SPRYD4: variants seen among roughly 807,000 people sequenced by gnomAD.
SPRYD4 encodes SPRY domain containing 4, also known as SPRY domain-containing protein 4.
Under a neutral mutation model 16.6 loss-of-function variants are expected in SPRYD4, and 12 were observed. That is an observed-to-expected ratio of 0.72 (90% CI 0.46 to 1.17). The LOEUF (loss-of-function observed/expected upper bound fraction) is 1.17, where lower values mean the gene tolerates loss of function less well. SPRYD4 is among the 50% of genes most tolerant of loss of function. SPRYD4 has a pLI of 0.00. For synonymous variants in SPRYD4, 98 were observed against 105.4 expected (o/e 0.93, Z 0.43); for missense variants, 260 against 260.2 (o/e 1.00, Z 0.00).
At position 56,479,629 on chromosome 12, in the gene SPRYD4, T is replaced by TA; in HGVS notation, c.*10053dup. 1.1e-6 allele frequency: 1 copy of TA among 908,604 alleles called. No individual in the cohort carries two copies. The highest frequency in any genetic ancestry group is 3.6e-4 in the Middle Eastern group (1 of 2,784). 56.3% of individuals were successfully genotyped at this position (908,604 alleles called of 1,614,324 possible). On this transcript the variant is annotated 3_prime_UTR_variant, in exon 2 of 2. Transcript: ENST00000338146. ...TGTATTTCTATATTGTTTGAACTCT[T>TA]ATGATGAGTATTCATGTATAACTTA...
Position 56,477,643 on chromosome 12 carries a change from G to T in SPRYD4, c.*8066G>T, listed in dbSNP as rs116424949. On this transcript the variant is annotated 3_prime_UTR_variant, in exon 2 of 2. Coordinates refer to ENST00000338146, the MANE Select transcript of SPRYD4 (RefSeq NM_207344.4). Reference sequence around the variant, plus strand: ...CTTAGAGGATAATACCTATCAGAAGGTTAAGGTGGCACTGACCTTGATCAG... The same window carrying T: ...CTTAGAGGATAATACCTATCAGAAGTTTAAGGTGGCACTGACCTTGATCAG... 1.6e-3 allele frequency: 2,549 copies of T among 1,610,952 alleles called. 38 individuals carry two copies. The African/African-American group carries it at 0.031, about 19-fold the overall frequency.
At position 56,469,238 on chromosome 12, in the gene SPRYD4, G is replaced by A; in HGVS notation, c.285G>A (p.Lys95=). The change falls in exon 2 of 2, where the codon AAG becomes AAA. Residue 95 remains lysine (K), a synonymous_variant. Transcript: ENST00000338146. ...GACACTACTGGGAAGTGACAGTGAA[G>A]CGCTCCCAGCAGTTCCGGATAGGAG... ...SGRHYWEVTV[K]RSQQFRIGVA... The A allele has an allele frequency of 6.2e-7, 1 of 1,613,960 alleles. No individual in the cohort carries two copies. Among genetic ancestry groups the A allele is most frequent in the African/African-American group, 1.3e-5 (1 of 75,024 alleles).
Position 56,471,948 on chromosome 12 carries a change from A to G in SPRYD4, c.*2371A>G. ...AGGGGAGGGGAAAAGGCCTCTTCCC[A>G]TTTTGTACCCTGCAGCACTCAGTCA... On this transcript the variant is annotated 3_prime_UTR_variant, in exon 2 of 2. Transcript: ENST00000338146. The G allele has an allele frequency of 1.5e-6, 2 of 1,321,874 alleles. No homozygotes were observed. The highest frequency in any genetic ancestry group is 2.2e-6 in the Non-Finnish European group (2 of 920,014). The allele number at this position is 1,321,874 out of a possible 1,614,324, so 81.9% of individuals were successfully genotyped here.
In SPRYD4 at chr12:56,472,634, G is replaced by T; in HGVS notation, c.*3057G>T. 2 of 1,510,440 alleles carry T rather than the reference G, an allele frequency of 1.3e-6. No homozygotes were observed. The highest frequency in any genetic ancestry group is 1.8e-6 in the Non-Finnish European group (2 of 1,086,840). 93.6% of individuals were successfully genotyped at this position (1,510,440 alleles called of 1,614,324 possible). A position where few individuals can be genotyped will look rare whatever the true frequency, so the allele number is the denominator to read the frequency against. ...AACTATTTTGTTACGCTGCCTCCTA[G>T]TAAAATCTCTGACCAGGAGTATTTT... On this transcript the variant is annotated 3_prime_UTR_variant, in exon 2 of 2. Transcript: ENST00000338146.
rs768501959 is a variant in SPRYD4 at position 56,478,385 on chromosome 12, T to C, written c.*8808T>C. 2 of 969,966 alleles carry C rather than the reference T, an allele frequency of 2.1e-6. No homozygotes were observed. The highest frequency in any genetic ancestry group is 3.1e-6 in the Non-Finnish European group (2 of 641,178). The allele number at this position is 969,966 out of a possible 1,614,324, so 60.1% of individuals were successfully genotyped here. On this transcript the variant is annotated 3_prime_UTR_variant, in exon 2 of 2. Transcript: ENST00000338146. ...TTCTGTCTTCTATAGGGCAGAGGGG[T>C]TCCCTCCTGCCTGTTGCTCCCAGAA...
Position 56,479,347 on chromosome 12 carries a change from G to T in SPRYD4, c.*9770G>T. Reference sequence around the variant, plus strand: ...TTTACCTTTCTAGGTCTTAGTTTCCGTACCTCTAAAATGAGGGGTTTTAAT... The same window carrying T: ...TTTACCTTTCTAGGTCTTAGTTTCCTTACCTCTAAAATGAGGGGTTTTAAT... On this transcript the variant is annotated 3_prime_UTR_variant, in exon 2 of 2. Coordinates refer to ENST00000338146, the MANE Select transcript of SPRYD4 (RefSeq NM_207344.4). The T allele has an allele frequency of 1.3e-6, 1 of 758,182 alleles. No individual in the cohort carries two copies. The highest frequency in any genetic ancestry group is 2.0e-6 in the Non-Finnish European group (1 of 504,444). The allele number at this position is 758,182 out of a possible 1,614,324, so 47.0% of individuals were successfully genotyped here.
rs1350247408 is a variant in SPRYD4 at position 56,469,761 on chromosome 12, C to T, written c.*184C>T. The T allele has an allele frequency of 1.7e-5, 10 of 600,612 alleles. No individual in the cohort carries two copies. In the Admixed American group the frequency reaches 2.5e-4, roughly 15 times the overall value. 37.2% of individuals were successfully genotyped at this position (600,612 alleles called of 1,614,324 possible). Reference sequence around the variant, plus strand: ...TGAAAGCTAGGCATACAGCCAAACCCTCCTTTTCCCCACCCACCAACTACT... The same window carrying T: ...TGAAAGCTAGGCATACAGCCAAACCTTCCTTTTCCCCACCCACCAACTACT... On this transcript the variant is annotated 3_prime_UTR_variant, in exon 2 of 2. Coordinates refer to ENST00000338146, the MANE Select transcript of SPRYD4 (RefSeq NM_207344.4).
Position 56,475,706 on chromosome 12 carries a change from AG to A in SPRYD4, c.*6131del. ...ACCTGGAAGAGAAAAAGGGACATTG[AG>A]GCTCCACTTGGTTAAGAAGCTCTAT... On this transcript the variant is annotated 3_prime_UTR_variant, in exon 2 of 2. Transcript: ENST00000338146. 1 of 1,613,626 alleles carries A rather than the reference AG, an allele frequency of 6.2e-7. No individual in the cohort carries two copies. Among genetic ancestry groups the A allele is most frequent in the Non-Finnish European group, 8.5e-7 (1 of 1,179,544 alleles).
At position 56,478,136 on chromosome 12, in the gene SPRYD4, T is replaced by G; in HGVS notation, c.*8559T>G. ...ATGCCATGAAAGGGGTTGGCCTGTG[T>G]TCGGCACCTGTGCCCTGCCTCCCCT... On this transcript the variant is annotated 3_prime_UTR_variant, in exon 2 of 2. Transcript: ENST00000338146. 1 of 1,614,142 alleles carries G rather than the reference T, an allele frequency of 6.2e-7. No homozygotes were observed. The highest frequency in any genetic ancestry group is 8.5e-7 in the Non-Finnish European group (1 of 1,179,974).
At position 56,477,744 on chromosome 12, in the gene SPRYD4, T is replaced by C. The variant is rs1382323454; in HGVS notation, c.*8167T>C. Reference sequence around the variant, plus strand: ...CTGGGGAAATACAAACCACCAAGAGTCTTAGCCACTGAACAAAGCCTCCCT... The same window carrying C: ...CTGGGGAAATACAAACCACCAAGAGCCTTAGCCACTGAACAAAGCCTCCCT... On this transcript the variant is annotated 3_prime_UTR_variant, in exon 2 of 2. Coordinates refer to ENST00000338146, the MANE Select transcript of SPRYD4 (RefSeq NM_207344.4). 1.1e-5 allele frequency: 18 copies of C among 1,589,620 alleles called. No homozygotes were observed. The highest frequency in any genetic ancestry group is 1.5e-5 in the Non-Finnish European group (18 of 1,167,602).
rs1026081069 is a variant in SPRYD4, at chr12:56,469,617, G to C, written c.*40G>C. ...GAGTCCCTAATCACGCCTTTGGCCAGCCTCCTTTTGAAAGTGTCCGAAGCC... is the reference window on the plus strand; with the variant it reads ...GAGTCCCTAATCACGCCTTTGGCCACCCTCCTTTTGAAAGTGTCCGAAGCC... On this transcript the variant is annotated 3_prime_UTR_variant, in exon 2 of 2. Coordinates refer to ENST00000338146, the MANE Select transcript of SPRYD4 (RefSeq NM_207344.4). The C allele has an allele frequency of 6.4e-7, 1 of 1,561,020 alleles. No homozygotes were observed. Among genetic ancestry groups the C allele is most frequent in the East Asian group, 2.3e-5 (1 of 43,680 alleles).
In SPRYD4 at chr12:56,477,967, G is replaced by A. The variant is rs1364795198; in HGVS notation, c.*8390G>A. On this transcript the variant is annotated 3_prime_UTR_variant, in exon 2 of 2. Transcript: ENST00000338146. ...TGAGGGAGAGCTTGTTGTAGCGCAG[G>A]CCACTTGGCTCTTTGCCCACAAACT... The A allele has an allele frequency of 6.2e-7, 1 of 1,614,126 alleles. No individual in the cohort carries two copies. Among genetic ancestry groups the A allele is most frequent in the Non-Finnish European group, 8.5e-7 (1 of 1,179,970 alleles).
chr12:56,475,918 CA>C lies in SPRYD4; in HGVS notation c.*6342del. On this transcript the variant is annotated 3_prime_UTR_variant, in exon 2 of 2. Transcript: ENST00000338146. ...ACAGCATGCCATGGCGAAATGCAGC[CA>C]GGGGCTAAGTAGCAAGGGAACTTAC... The C allele has an allele frequency of 6.2e-7, 1 of 1,613,552 alleles. No homozygotes were observed. Among genetic ancestry groups the C allele is most frequent in the South Asian group, 1.1e-5 (1 of 91,066 alleles).
chr12:56,474,932 G>C lies in SPRYD4; in HGVS notation c.*5355G>C. On this transcript the variant is annotated 3_prime_UTR_variant, in exon 2 of 2. Transcript: ENST00000338146. ...GAGAGGGGAGAGCATTTCTCTTCAG[G>C]ACATCAGCCCTTTCACACTGTCAGG... 6.2e-7 allele frequency: 1 copy of C among 1,613,886 alleles called. No homozygotes were observed. Among genetic ancestry groups the C allele is most frequent in the East Asian group, 2.2e-5 (1 of 44,864 alleles).
At position 56,469,648 on chromosome 12, in the gene SPRYD4, A is replaced by C. The variant is rs1248873602; in HGVS notation, c.*71A>C. 9 of 1,464,626 alleles carry C rather than the reference A, an allele frequency of 6.1e-6. No individual in the cohort carries two copies. Among genetic ancestry groups the C allele is most frequent in the Non-Finnish European group, 8.2e-6 (9 of 1,100,694 alleles). The allele number at this position is 1,464,626 out of a possible 1,614,324, so 90.7% of individuals were successfully genotyped here. A position where few individuals can be genotyped will look rare whatever the true frequency, so the allele number is the denominator to read the frequency against. The stretch of plus-strand genomic sequence containing the variant: ...TTTTGAAAGTGTCCGAAGCCTTTTT[A>C]CTTTGCCTCAAGCAACCTCTAGCTC... On this transcript the variant is annotated 3_prime_UTR_variant, in exon 2 of 2. Transcript: ENST00000338146.
At position 56,474,161 on chromosome 12, in the gene SPRYD4, C is replaced by T. The variant is rs1295584480; in HGVS notation, c.*4584C>T. 10 of 227,974 alleles carry T rather than the reference C, an allele frequency of 4.4e-5. No individual in the cohort carries two copies. Among genetic ancestry groups the T allele is most frequent in the South Asian group, 5.4e-5 (1 of 18,634 alleles). 14.1% of individuals were successfully genotyped at this position (227,974 alleles called of 1,614,324 possible). The stretch of plus-strand genomic sequence containing the variant: ...AGGCTACAGTGCAATGGCACAATCT[C>T]GGCTCAGTGCAACCTCTGCCTCCCA... On this transcript the variant is annotated 3_prime_UTR_variant, in exon 2 of 2. Transcript: ENST00000338146.
Position 56,474,778 on chromosome 12 carries a change from G to T in SPRYD4, c.*5201G>T. 1.2e-6 allele frequency: 2 copies of T among 1,612,868 alleles called. No homozygotes were observed. Among genetic ancestry groups the T allele is most frequent in the South Asian group, 1.1e-5 (1 of 90,990 alleles). On this transcript the variant is annotated 3_prime_UTR_variant, in exon 2 of 2. Coordinates refer to ENST00000338146, the MANE Select transcript of SPRYD4 (RefSeq NM_207344.4). ...GTGAACCTGCACATGGGACCCTCGG[G>T]TGTAGGGAAAGGGCAAGGGCAAGGA...
chr12:56,472,006 A>C lies in SPRYD4; in HGVS notation c.*2429A>C. 1 of 1,327,736 alleles carries C rather than the reference A, an allele frequency of 7.5e-7. No homozygotes were observed. The highest frequency in any genetic ancestry group is 1.1e-6 in the Non-Finnish European group (1 of 932,490). 82.2% of individuals were successfully genotyped at this position (1,327,736 alleles called of 1,614,324 possible). ...GCTGCAAACCGAAGGGTGTCTAGAT[A>C]AAACTAGTTGCTGCCCCTATAACCT... On this transcript the variant is annotated 3_prime_UTR_variant, in exon 2 of 2. Coordinates refer to ENST00000338146, the MANE Select transcript of SPRYD4 (RefSeq NM_207344.4).
At position 56,469,227 on chromosome 12, in the gene SPRYD4, G is replaced by A; in HGVS notation, c.274G>A (p.Val92Met). 4 of 1,614,106 alleles carry A rather than the reference G, an allele frequency of 2.5e-6. No individual in the cohort carries two copies. Among genetic ancestry groups the A allele is most frequent in the Non-Finnish European group, 3.4e-6 (4 of 1,179,958 alleles). ...CACCAGTGGCAGACACTACTGGGAA[G>A]TGACAGTGAAGCGCTCCCAGCAGTT... ...AVTSGRHYWE[V>M]TVKRSQQFRI... is the part of the protein sequence containing the mutation. Residue 92 changes from valine to methionine, a missense_variant, in exon 2 of 2, where the codon GTG (valine) becomes ATG (methionine). Transcript: ENST00000338146.
Sources: allele counts gnomAD v4.1 joint callset, GRCh38; gene constraint gnomAD v4.1.1; transcripts MANE v1.5; gene names NCBI Gene and HGNC (gene_info 2026-07-23, HGNC 2026-07-21).